The following CENPL variants were observed in gnomAD, a reference collection of about 807,000 sequenced individuals.
CENPL encodes centromere protein L.
A neutral mutation model predicts 35.2 loss-of-function variants in CENPL; 20 were observed. That is an observed-to-expected ratio of 0.57 (90% CI 0.40 to 0.83). The LOEUF (loss-of-function observed/expected upper bound fraction) is 0.83, where lower values mean the gene tolerates loss of function less well. Ranked by LOEUF, CENPL falls within the 40% of genes least tolerant of loss-of-function variation. The pLI is 0.00. For synonymous variants in CENPL, 140 were observed against 140.6 expected, an observed-to-expected ratio of 1.00 and a Z score of 0.03; for missense variants, 363 against 395.8, an observed-to-expected ratio of 0.92 and a Z score of 0.70.
intron 2 of CENPL, among the ~76,000 whole-genome samples, chr1:173,812,387 G>A (rs1033242778): frequency 1.3e-5 from 2 of 152,238 alleles, no homozygotes; most frequent in African/African-American, 4.8e-5. Context: ...TGACCCCCGT[G>A]TAGCCTAATT....
Position 173,800,228 on chromosome 1 carries a change from T to A in CENPL, c.*220A>T. On this transcript the variant is annotated 3_prime_UTR_variant, in exon 6 of 6. Coordinates refer to ENST00000682279, the MANE Select transcript of CENPL (RefSeq NM_001387287.1). The stretch of plus-strand genomic sequence containing the variant: ...ATTTTGAGAATGGCATGTCAGGTTA[T>A]CATGATTAGTACATGGGCACCTGGC... 2.8e-6 allele frequency: 1 copy of A among 356,848 alleles called. No individual in the cohort carries two copies. The highest frequency in any genetic ancestry group is 5.2e-6 in the Non-Finnish European group (1 of 192,406). 22.1% of individuals were successfully genotyped at this position (356,848 alleles called of 1,614,324 possible).
intron 5 of CENPL, 124 bp from the exon 6 acceptor site, chr1:173,800,643 C>T (rs1649658330): frequency 3.6e-6 from 2 of 548,630 alleles, no homozygotes; most frequent in African/African-American, 1.9e-5. Context: ...ATGAAGCTTA[C>T]CACATGCAAT....
chr1:173,818,030 G>A (rs889424962), intron 2 of CENPL, among the ~76,000 whole-genome samples: 15 of 152,226 alleles, frequency 9.9e-5, no homozygotes, highest in African/African-American at 3.4e-4. Context: ...GGGAGGGATA[G>A]CATTAGGAGA....
rs760965971 is a variant in CENPL at position 173,803,305 on chromosome 1, A to G, written c.621T>C (p.Tyr207=). The change falls in exon 5 of 6, where the codon TAT becomes TAC. Residue 207 remains tyrosine (Y), a synonymous_variant. Coordinates refer to ENST00000682279, the MANE Select transcript of CENPL (RefSeq NM_001387287.1). ...GTWFQKTFDC[Y]FSPLAINAFN... ...ATGCATTGATTGCTAAAGGACTGAAATAACAGTCAAAGGTTTTCTGAAACC... is the reference window on the plus strand; with the variant it reads ...ATGCATTGATTGCTAAAGGACTGAAGTAACAGTCAAAGGTTTTCTGAAACC... 5 of 1,613,818 alleles carry G rather than the reference A, an allele frequency of 3.1e-6. No homozygotes were observed. The highest frequency in any genetic ancestry group is 4.5e-5 in the East Asian group (2 of 44,884).
intron 3 of CENPL, among the ~76,000 whole-genome samples, chr1:173,809,802 A>G (rs1331824367): frequency 6.6e-6 from 1 of 152,218 alleles, no homozygotes; most frequent in African/African-American, 2.4e-5. Flanking sequence ...ATTATTACAA[A>G]GTAAAAAAAC....
At chr1:173,810,592 T>C (rs992014286) in intron 3 of CENPL, among the ~76,000 whole-genome samples, 2 of 152,114 alleles carry the variant, frequency 1.3e-5, no homozygotes, top group East Asian at 3.8e-4. Flanking sequence ...AAACTCCTCG[T>C]ATATATGGGT....
At chr1:173,806,380 G>C in intron 4 of CENPL, 1 of 405,148 alleles carries the variant, frequency 2.5e-6, no homozygotes. Context: ...GAGCCCAGGA[G>C]TTCAAGACCA....
In CENPL at chr1:173,803,523, A is replaced by C; in HGVS notation, c.421-18T>G. 6.5e-7 allele frequency: 1 copy of C among 1,529,996 alleles called. No individual in the cohort carries two copies. The highest frequency in any genetic ancestry group is 8.8e-7 in the Non-Finnish European group (1 of 1,139,340). The allele number at this position is 1,529,996 out of a possible 1,614,324, so 94.8% of individuals were successfully genotyped here. On this transcript the variant is annotated intron_variant, in intron 4 of 5. Coordinates refer to ENST00000682279, the MANE Select transcript of CENPL (RefSeq NM_001387287.1). ...GACACAATCTACAAAGAAAGTAAAC[A>C]GGCTCCTTAAATTCAAAAGTACATT...
rs754113095 is a variant in CENPL at position 173,807,305 on chromosome 1, T to C, written c.382A>G (p.Lys128Glu). Residue 128 changes from lysine to glutamate, a missense_variant, in exon 4 of 6, where the codon AAA becomes GAA. Coordinates refer to ENST00000682279, the MANE Select transcript of CENPL (RefSeq NM_001387287.1). ...GCTTCCGGGTCCCTTTGTGTTCCTT[T>C]CATTCCTAGGAGAGTAGAAAAAATC... ...KVIFSTLLGMKGTQRDPEAFL... is the reference protein window; with the variant it reads ...KVIFSTLLGMEGTQRDPEAFL... 41 of 1,612,136 alleles carry C rather than the reference T, an allele frequency of 2.5e-5. No individual in the cohort carries two copies. The highest frequency in any genetic ancestry group is 3.3e-5 in the Non-Finnish European group (39 of 1,178,788).
At chr1:173,818,001 T>C (rs182345193) in intron 2 of CENPL, among the ~76,000 whole-genome samples, 2 of 151,928 alleles carry the variant, frequency 1.3e-5, no homozygotes, top group Non-Finnish European at 2.9e-5. Flanking sequence ...CCGGGGCCTG[T>C]CGAGGGGTCA....
chr1:173,815,473 A>G (rs1247952036), intron 2 of CENPL, among the ~76,000 whole-genome samples: 1 of 152,210 alleles, frequency 6.6e-6, no homozygotes, highest in East Asian at 1.9e-4. Flanking sequence ...CAGCACATCA[A>G]AAAGCTTATC....
chr1:173,808,792 G>A (rs1344820726), intron 3 of CENPL, among the ~76,000 whole-genome samples: 5 of 152,022 alleles, frequency 3.3e-5, no homozygotes, highest in Admixed American at 2.6e-4. Context: ...AACCCTGGAC[G>A]ACAACCTAGG....
chr1:173,811,296 C>A lies in CENPL; in HGVS notation c.4G>T (p.Asp2Tyr). 2 of 1,595,038 alleles carry A rather than the reference C, an allele frequency of 1.3e-6. No individual in the cohort carries two copies. Among genetic ancestry groups the A allele is most frequent in the Non-Finnish European group, 1.7e-6 (2 of 1,166,280 alleles). Residue 2 changes from aspartate to tyrosine, a missense_variant, in exon 3 of 6, where the codon GAT (aspartate) becomes TAT (tyrosine). Physicochemically the swap from Asp to Tyr is radical, Grantham distance 160. Transcript: ENST00000682279. M[D>Y]SYSAPESTPS... ...GTTGACTCTGGTGCACTGTAAGAAT[C>A]CATGGTCTGTCTGCATAAGAAGAAA...
intron 5 of CENPL, among the ~76,000 whole-genome samples, 180 bp from the exon 6 acceptor site, chr1:173,800,699 G>T (rs1649663510): frequency 6.6e-6 from 1 of 152,130 alleles, no homozygotes; most frequent in Non-Finnish European, 1.5e-5. Flanking sequence ...TATAATCCCA[G>T]CACTTTGAGA....
chr1:173,800,451 C>T lies in CENPL; in HGVS notation c.1032G>A (p.Glu344=), dbSNP rs1281865733. The T allele has an allele frequency of 2.3e-6, 3 of 1,323,596 alleles. No individual in the cohort carries two copies. Among genetic ancestry groups the T allele is most frequent in the Admixed American group, 1.7e-5 (1 of 58,614 alleles). 82.0% of individuals were successfully genotyped at this position (1,323,596 alleles called of 1,614,324 possible). Residue 344 remains glutamate, a synonymous_variant, in exon 6 of 6, where the codon GAG becomes GAA. Transcript: ENST00000682279. Reference sequence around the variant, plus strand: ...AACTTATAGTCCACATAAGGCTTCACTCAATTTGAAAAATTGCCAGTTCTG... The same window carrying T: ...AACTTATAGTCCACATAAGGCTTCATTCAATTTGAAAAATTGCCAGTTCTG... ...YLTELAIFQI[E]
chr1:173,812,121 G>A (rs1276235451), intron 2 of CENPL, among the ~76,000 whole-genome samples: 4 of 152,360 alleles, frequency 2.6e-5, no homozygotes, highest in African/African-American at 7.2e-5. Context: ...GGGGAGGGGC[G>A]TCCGCCATTG....
At chr1:173,802,591 C>G (rs960374155) in intron 5 of CENPL, among the ~76,000 whole-genome samples, 2 of 152,096 alleles carry the variant, frequency 1.3e-5, no homozygotes, top group African/African-American at 4.8e-5. Flanking sequence ...GACAGAAAAG[C>G]CTGGAACATA....
chr1:173,822,477 C>CT, intron 2 of CENPL: 1 of 152,160 alleles, frequency 6.6e-6, no homozygotes, highest in East Asian at 1.9e-4. Flanking sequence ...TCCTAAATCT[C>CT]TGTCTTCAGA....
Position 173,807,375 on chromosome 1 carries a change from T to C in CENPL, c.312A>G (p.Gln104=), listed in dbSNP as rs1394100902. 1.2e-6 allele frequency: 2 copies of C among 1,613,818 alleles called. No homozygotes were observed. Among genetic ancestry groups the C allele is most frequent in the Non-Finnish European group, 1.7e-6 (2 of 1,179,832 alleles). Residue 104 remains glutamine, a synonymous_variant, in exon 4 of 6, where the codon CAA becomes CAG. Coordinates refer to ENST00000682279, the MANE Select transcript of CENPL (RefSeq NM_001387287.1). ...LLNAFIVAEK[Q]KGLAVEVGED... ...CTCCCACTTCCACAGCAAGTCCTTT[T>C]TGCTTTTCAGCAACAATAAAAGCAT...
Sources: gnomAD v4.1 joint callset for allele counts (sites outside exome capture counted in the v4.1 genomes callset) on GRCh38, gnomAD v4.1.1 for gene constraint, MANE v1.5 for transcripts, NCBI Gene and HGNC (gene_info 2026-07-23, HGNC 2026-07-21) for gene names.